CTNND2: variants seen among roughly 807,000 people sequenced by gnomAD.
The protein encoded by CTNND2 is catenin delta 2.
A neutral mutation model predicts 144.4 loss-of-function variants in CTNND2; 22 were observed. That is an observed-to-expected ratio of 0.15 (90% CI 0.11 to 0.22). The LOEUF (loss-of-function observed/expected upper bound fraction) is 0.22, where lower values mean the gene tolerates loss of function less well. CTNND2 is among the 10% of genes least tolerant of loss of function. The pLI, the probability that CTNND2 is intolerant of heterozygous loss-of-function variation, is 1.00. For synonymous variants in CTNND2, 751 were observed against 695.6 expected (o/e 1.08, Z -1.25); for missense variants, 1,353 against 1,618.8 (o/e 0.84, Z 2.82).
At chr5:11,097,445 A>G (rs1240374804) in intron 15 of CTNND2, among the ~76,000 whole-genome samples, 2 of 152,060 alleles carry the variant, frequency 1.3e-5, no homozygotes, top group Non-Finnish European at 1.5e-5. Flanking sequence ...GACTCTTAGG[A>G]GAAGAAGTGG....
chr5:11,466,215 T>G (rs115855708), intron 3 of CTNND2, among the ~76,000 whole-genome samples: 493 of 152,280 alleles, frequency 3.2e-3, no homozygotes, highest in Non-Finnish European at 5.3e-3. Flanking sequence ...TTGCCCAAGC[T>G]AGTCCTGAAC....
In CTNND2 at chr5:11,618,124, C is replaced by T. The variant is rs1022808062; in HGVS notation, c.175-53068G>A. ...TAATACCATTCATATCTAACCATAC[C>T]AGCTACTTGTGTCATGATGTCCATT... On this transcript the variant is annotated intron_variant, in intron 2 of 21. Coordinates refer to ENST00000304623, the MANE Select transcript of CTNND2 (RefSeq NM_001332.4). Among the ~76,000 whole-genome samples, 7 of 151,718 alleles carry T rather than the reference C, an allele frequency of 4.6e-5. 1 individual carries two copies. The highest frequency in any genetic ancestry group is 4.6e-4 in the Admixed American group (7 of 15,212).
intron 18 of CTNND2, among the ~76,000 whole-genome samples, chr5:11,001,926 C>T (rs972461846): frequency 2.0e-5 from 3 of 152,158 alleles, no homozygotes; most frequent in African/African-American, 4.8e-5. Context: ...CCACCTCTGG[C>T]CCCTGGGTGG....
intron 13 of CTNND2, among the ~76,000 whole-genome samples, chr5:11,115,878 T>C (rs186742698): frequency 6.6e-6 from 1 of 152,282 alleles, no homozygotes; most frequent in East Asian, 1.9e-4. Flanking sequence ...CCCTAATATG[T>C]AGTCAGGGTT....
At chr5:11,658,514 A>G (rs899534936) in intron 2 of CTNND2, among the ~76,000 whole-genome samples, 1 of 152,146 alleles carries the variant, frequency 6.6e-6, no homozygotes, top group East Asian at 1.9e-4. Flanking sequence ...AACAGAATCC[A>G]TTATGGGAAA....
intron 12 of CTNND2, among the ~76,000 whole-genome samples, chr5:11,152,648 G>A (rs767941503): frequency 4.6e-5 from 7 of 152,154 alleles, no homozygotes; most frequent in African/African-American, 9.7e-5. Context: ...CAGGAGACCC[G>A]AGCCCTCGTC....
chr5:11,693,752 A>G (rs1785012267), intron 2 of CTNND2, among the ~76,000 whole-genome samples: 1 of 152,228 alleles, frequency 6.6e-6, no homozygotes. Context: ...CAGCCTAAAC[A>G]CAGTACGATT....
At chr5:11,574,792 C>T (rs1345503233) in intron 2 of CTNND2, among the ~76,000 whole-genome samples, 1 of 152,128 alleles carries the variant, frequency 6.6e-6, no homozygotes, top group Non-Finnish European at 1.5e-5. Context: ...TATACTTATA[C>T]CACAATAGAG....
intron 11 of CTNND2, among the ~76,000 whole-genome samples, chr5:11,167,753 C>T (rs1033340965): frequency 4.7e-5 from 7 of 149,760 alleles, no homozygotes; most frequent in African/African-American, 1.7e-4. Flanking sequence ...TAGAGTGCAG[C>T]GGCGTGATCA....
At chr5:11,682,596 G>A (rs1412325554) in intron 2 of CTNND2, among the ~76,000 whole-genome samples, 1 of 152,168 alleles carries the variant, frequency 6.6e-6, no homozygotes, top group Non-Finnish European at 1.5e-5. Flanking sequence ...CTATAAAGAT[G>A]CAACAGATTT....
chr5:11,005,825 A>G (rs1740423347), intron 18 of CTNND2, among the ~76,000 whole-genome samples: 1 of 152,216 alleles, frequency 6.6e-6, no homozygotes, highest in Admixed American at 6.5e-5. Flanking sequence ...CAGATAGAGA[A>G]ATAAATGTGG....
At chr5:11,286,519 G>C (rs907028863) in intron 9 of CTNND2, among the ~76,000 whole-genome samples, 3 of 152,232 alleles carry the variant, frequency 2.0e-5, no homozygotes, top group Non-Finnish European at 4.4e-5. Context: ...AAGTGCCTTA[G>C]TTCTAGCACT....
intron 9 of CTNND2, among the ~76,000 whole-genome samples, chr5:11,268,032 A>G (rs1282328078): frequency 6.6e-6 from 1 of 152,238 alleles, no homozygotes; most frequent in African/African-American, 2.4e-5. Context: ...CAAATCCAAA[A>G]GTGGCAATGG....
At chr5:11,124,035 C>T (rs1374312377) in intron 12 of CTNND2, among the ~76,000 whole-genome samples, 1 of 152,144 alleles carries the variant, frequency 6.6e-6, no homozygotes, top group African/African-American at 2.4e-5. Flanking sequence ...ACAAGTAGAA[C>T]ATAAATATGG....
intron 2 of CTNND2, among the ~76,000 whole-genome samples, chr5:11,652,064 A>G (rs2126538914): frequency 6.6e-6 from 1 of 152,254 alleles, no homozygotes; most frequent in Non-Finnish European, 1.5e-5. Context: ...CAGGGGCAGA[A>G]TGATATAGCT....
chr5:11,384,006 C>T lies in CTNND2; in HGVS notation c.1177+659G>A, dbSNP rs61749849. On this transcript the variant is annotated intron_variant, in intron 7 of 21. Coordinates refer to ENST00000304623, the MANE Select transcript of CTNND2 (RefSeq NM_001332.4). The surrounding 1 kb of genome is among the most constrained non-coding windows in gnomAD (Gnocchi z 5.2). Reference sequence around the variant, plus strand: ...CAGCCCCTCCCTCCCTGTAATAAAGCAGGTACAAATTTAAGGGACTTCATC... The same window carrying T: ...CAGCCCCTCCCTCCCTGTAATAAAGTAGGTACAAATTTAAGGGACTTCATC... Among the ~76,000 whole-genome samples, 384 of 152,228 alleles carry T rather than the reference C, an allele frequency of 2.5e-3. 5 individuals are homozygous for T. Among genetic ancestry groups the T allele is most frequent in the African/African-American group, 9.0e-3 (373 of 41,534 alleles).
chr5:11,137,146 T>C (rs1442598971), intron 12 of CTNND2, among the ~76,000 whole-genome samples: 5 of 152,202 alleles, frequency 3.3e-5, no homozygotes, highest in Admixed American at 1.3e-4. Context: ...TCTAATCCAA[T>C]TCCATAAATA....
chr5:11,029,614 TTG>T (rs1235532206), intron 16 of CTNND2, among the ~76,000 whole-genome samples: 1 of 152,226 alleles, frequency 6.6e-6, no homozygotes, highest in East Asian at 1.9e-4. Context: ...TCTTTAAACA[TTG>T]TGTGTCCAAA....
At chr5:11,136,729 C>G (rs1289567094) in intron 12 of CTNND2, among the ~76,000 whole-genome samples, 3 of 152,222 alleles carry the variant, frequency 2.0e-5, no homozygotes, top group Non-Finnish European at 4.4e-5. Flanking sequence ...TCTTCTCTAC[C>G]TTCTAGGGAA....
Sources: gnomAD v4.1 joint callset for allele counts (sites outside exome capture counted in the v4.1 genomes callset) on GRCh38, gnomAD v4.1.1 for gene constraint, Gnocchi (gnomAD v3.1) non-coding constraint, MANE v1.5 for transcripts, NCBI Gene and HGNC (gene_info 2026-07-23, HGNC 2026-07-21) for gene names.